Variants in SLC1A6 observed in about 807,000 individuals in gnomAD.
SLC1A6 encodes solute carrier family 1 member 6.
In SLC1A6, 15 loss-of-function variants were observed where a neutral mutation model predicts 42.1. The observed-to-expected ratio is 0.36, with a 90% CI of 0.24 to 0.55. The LOEUF (loss-of-function observed/expected upper bound fraction) is 0.55. Ranked by LOEUF, SLC1A6 falls within the 20% of genes least tolerant of loss-of-function variation. SLC1A6 has a pLI of 0.88. For synonymous variants in SLC1A6, 317 were observed against 319.7 expected, an observed-to-expected ratio of 0.99 and a Z score of 0.09; for missense variants, 542 against 772.5, an observed-to-expected ratio of 0.70 and a Z score of 3.54.
At position 14,972,943 on chromosome 19, in the gene SLC1A6, C is replaced by A. The variant is rs1485649054; in HGVS notation, c.-7-26G>T. 13 of 1,526,352 alleles carry A rather than the reference C, an allele frequency of 8.5e-6. No individual in the cohort carries two copies. The Admixed American group carries it at 2.6e-4, about 31-fold the overall frequency. 94.6% of individuals were successfully genotyped at this position (1,526,352 alleles called of 1,614,324 possible). A position where few individuals can be genotyped will look rare whatever the true frequency, so the allele number is the denominator to read the frequency against. ...CTGCGGGAAACAGAGAAGCCTGGGG[C>A]TGGTGAGGGCCAGGACAGAAGGCCG... On this transcript the variant is annotated intron_variant, in intron 1 of 9. Transcript: ENST00000594383.
At chr19:15,001,067 G>T (rs1007697747) in intron 1 of SLC1A6, among the ~76,000 whole-genome samples, 2 of 152,206 alleles carry the variant, frequency 1.3e-5, no homozygotes, top group Non-Finnish European at 2.9e-5. Flanking sequence ...TCCTTGGTTG[G>T]TCCACACACA....
Position 14,956,660 on chromosome 19 carries a change from T to C in SLC1A6, c.985A>G (p.Met329Val). ...CCCCCCAGGACGGCCATGTCTTCCA[T>C]CTCCAGAATCTTCCCAGCAATCAGG... ...LFLIAGKILE[M>V]EDMAVLGGQL... The change falls in exon 7 of 10, where the codon ATG becomes GTG. Residue 329 changes from methionine to valine, a missense_variant. Physicochemically the swap from Met to Val is conservative, Grantham distance 21. Around this residue, in one of 6 missense-constraint regions of SLC1A6, gnomAD observed 298 missense variants for 419.4 expected, o/e 0.71. Transcript: ENST00000594383. 1 of 1,613,812 alleles carries C rather than the reference T, an allele frequency of 6.2e-7. No individual in the cohort carries two copies. The highest frequency in any genetic ancestry group is 8.5e-7 in the Non-Finnish European group (1 of 1,179,892).
chr19:14,964,465 T>C (rs2045551364), intron 4 of SLC1A6, 104 bp from the exon 5 acceptor site: 2 of 880,458 alleles, frequency 2.3e-6, no homozygotes, highest in Admixed American at 1.7e-5. Flanking sequence ...GCAGCCAACA[T>C]ATGAATGCTT....
At chr19:14,971,953 G>A (rs572661390) in intron 2 of SLC1A6, 79 bp from the exon 3 acceptor site, 1 of 1,467,016 alleles carries the variant, frequency 6.8e-7, no homozygotes, top group African/African-American at 1.4e-5. Flanking sequence ...CCCAAGAAGG[G>A]TAGGGCAAGG....
At chr19:14,975,748 G>T (rs2045697551) in intron 1 of SLC1A6, among the ~76,000 whole-genome samples, 1 of 70,336 alleles carries the variant, frequency 1.4e-5, no homozygotes, top group Non-Finnish European at 2.5e-5. Context: ...GCCAGACTTT[G>T]TCAAAAAAAA....
intron 1 of SLC1A6, among the ~76,000 whole-genome samples, chr19:14,998,089 C>T (rs2045855861): frequency 6.6e-6 from 1 of 152,000 alleles, no homozygotes. Context: ...AAATTCTATG[C>T]CCTACCAACC....
chr19:14,972,921 C>A lies in SLC1A6; in HGVS notation c.-7-4G>T, dbSNP rs1319458140. The A allele has an allele frequency of 3.2e-6, 5 of 1,559,716 alleles. No individual in the cohort carries two copies. Among genetic ancestry groups the A allele is most frequent in the Admixed American group, 1.9e-5 (1 of 52,314 alleles). On this transcript the variant is annotated splice_polypyrimidine_tract_variant and splice_region_variant and intron_variant, in intron 1 of 9. Transcript: ENST00000594383. ...GCCATGGCTGCTCATGGTCTATCTG[C>A]GGGAAACAGAGAAGCCTGGGGCTGG...
At chr19:15,009,274 CT>C (rs1358556397) in intron 1 of SLC1A6, among the ~76,000 whole-genome samples, 70 of 76,700 alleles carry the variant, frequency 9.1e-4, no homozygotes, top group African/African-American at 3.8e-3. Flanking sequence ...ATCTATATAT[CT>C]ATAAATATCA....
At chr19:14,993,751 A>G (rs1466592641) in intron 1 of SLC1A6, among the ~76,000 whole-genome samples, 1 of 152,230 alleles carries the variant, frequency 6.6e-6, no homozygotes, top group Non-Finnish European at 1.5e-5. Context: ...GAAAAGAGTC[A>G]GGGGCTGGAG....
chr19:14,969,145 C>T (rs2045608797), intron 3 of SLC1A6, among the ~76,000 whole-genome samples: 1 of 152,086 alleles, frequency 6.6e-6, no homozygotes, highest in Admixed American at 6.6e-5. Context: ...TGGCCCATAA[C>T]CTAACTTTCA....
At position 14,972,867 on chromosome 19, in the gene SLC1A6, T is replaced by C. The variant is rs761505298; in HGVS notation, c.44A>G (p.Gln15Arg). The C allele has an allele frequency of 1.9e-6, 3 of 1,604,130 alleles. No individual in the cohort carries two copies. The highest frequency in any genetic ancestry group is 2.6e-6 in the Non-Finnish European group (3 of 1,176,080). The change falls in exon 2 of 10, where the codon CAG becomes CGG. Residue 15 changes from glutamine to arginine, a missense_variant. Gln to Arg is a conservative substitution (Grantham distance 43, BLOSUM62 1). This residue lies in a region of SLC1A6 where 88 missense variants were observed against 85.5 expected (regional missense o/e 1.03). Transcript: ENST00000594383. ...GNSLFLRESG[Q>R]RLGRVGWLQR... ...CAGCCAGCCCACCCGGCCCAGCCGC[T>C]GGCCGCTCTCCCGCAGGAACAGGCT...
chr19:14,980,751 C>T (rs1254553363), upstream of SLC1A6, among the ~76,000 whole-genome samples: 1 of 151,250 alleles, frequency 6.6e-6, no homozygotes, highest in Non-Finnish European at 1.5e-5. Flanking sequence ...ACTAGGCAGG[C>T]TCTTTTATTA....
chr19:14,956,716 G>A lies in SLC1A6; in HGVS notation c.936-7C>T. The A allele has an allele frequency of 1.3e-6, 2 of 1,589,130 alleles. No individual in the cohort carries two copies. The highest frequency in any genetic ancestry group is 1.7e-6 in the Non-Finnish European group (2 of 1,161,090). ...GATGCCCACAGGTGCATACCTGTGT[G>A]AGGGAGCCACATACCTGTCAGGGCT... On this transcript the variant is annotated splice_polypyrimidine_tract_variant and splice_region_variant and intron_variant, in intron 6 of 9. Transcript: ENST00000594383.
intron 1 of SLC1A6, among the ~76,000 whole-genome samples, chr19:14,996,434 T>C (rs908230195): frequency 2.0e-5 from 3 of 151,966 alleles, no homozygotes; most frequent in African/African-American, 7.3e-5. Flanking sequence ...ATATATACAT[T>C]AGAATCCTGC....
At chr19:14,995,326 C>CAAAAAAAA (rs1173848535) in intron 1 of SLC1A6, among the ~76,000 whole-genome samples, 6 of 53,006 alleles carry the variant, frequency 1.1e-4, no homozygotes, top group Admixed American at 2.7e-4. Context: ...ACTCCATCTC[C>CAAAAAAAA]AAAAAAAAAA....
intron 1 of SLC1A6, among the ~76,000 whole-genome samples, chr19:15,006,829 G>A (rs1291727183): frequency 3.3e-5 from 5 of 151,998 alleles, no homozygotes; most frequent in East Asian, 1.9e-4. Flanking sequence ...GCACATGCCC[G>A]TAGTCCTAGA....
At chr19:14,996,516 CTCCTCCTCCTCT>C (rs2045846567) in intron 1 of SLC1A6, among the ~76,000 whole-genome samples, 1 of 148,534 alleles carries the variant, frequency 6.7e-6, no homozygotes, top group Non-Finnish European at 1.5e-5. Flanking sequence ...CCTCCTCCCT[CTCCTCCTCCTCT>C]TTCTTCTTCT....
intron 1 of SLC1A6, among the ~76,000 whole-genome samples, chr19:15,004,977 G>T (rs1404268827): frequency 6.6e-6 from 1 of 152,202 alleles, no homozygotes; most frequent in Non-Finnish European, 1.5e-5. Flanking sequence ...CTTCCAGACA[G>T]GCCAGGCACA....
intron 1 of SLC1A6, among the ~76,000 whole-genome samples, chr19:14,996,567 C>CTTCTTCTTCTTCTTCTTCTTCTTA (rs1214405552): frequency 2.7e-5 from 4 of 150,480 alleles, no homozygotes; most frequent in Admixed American, 6.7e-5. Flanking sequence ...TCTTGTTCTT[C>CTTCTTCTTCTTCTTCTTCTTCTTA]TTCCTCTTCT....
Sources: allele counts gnomAD v4.1 joint callset (sites outside exome capture counted in the v4.1 genomes callset), GRCh38; gene constraint gnomAD v4.1.1; regional missense constraint gnomAD v4.1.1; transcripts MANE v1.5; gene names NCBI Gene and HGNC (gene_info 2026-07-23, HGNC 2026-07-21).